LIMD1: variants seen among roughly 807,000 people sequenced by gnomAD.
LIMD1 encodes the protein LIM domain-containing protein 1.
A neutral mutation model predicts 58.4 loss-of-function variants in LIMD1; 23 were observed. The ratio of observed to expected loss-of-function variants is 0.39; its 90% CI spans 0.28 to 0.56. The LOEUF is 0.56. Among genes scored for constraint, LIMD1 ranks in the 20% least tolerant of loss-of-function variants. LIMD1 has a pLI of 0.57. For missense variants in LIMD1, 838 were observed against 855.5 expected (o/e 0.98, Z 0.25); for synonymous variants, 334 against 345.5 (o/e 0.97, Z 0.37).
At chr3:45,637,469 C>T (rs548385272) in intron 2 of LIMD1, among the ~76,000 whole-genome samples, 8 of 152,188 alleles carry the variant, frequency 5.3e-5, no homozygotes, top group Non-Finnish European at 8.8e-5. Flanking sequence ...TTAGTAGAGA[C>T]GGGGTTTCAC....
At chr3:45,670,244 G>A (rs546437225) in intron 4 of LIMD1, among the ~76,000 whole-genome samples, 15 of 152,242 alleles carry the variant, frequency 9.9e-5, no homozygotes, top group African/African-American at 2.9e-4. Context: ...AACATGCTCT[G>A]AATTTATGAG....
intron 2 of LIMD1, among the ~76,000 whole-genome samples, chr3:45,649,539 G>C (rs1701942428): frequency 1.3e-5 from 2 of 150,878 alleles, no homozygotes; most frequent in Admixed American, 6.6e-5. Flanking sequence ...AAATTAGCCG[G>C]GCATGGTGGC....
chr3:45,657,211 G>C (rs1000316945), intron 2 of LIMD1, among the ~76,000 whole-genome samples: 2 of 152,056 alleles, frequency 1.3e-5, no homozygotes, highest in African/African-American at 4.8e-5. Context: ...TTTCTCCAAA[G>C]ATACAAACTT....
At position 45,595,317 on chromosome 3, in the gene LIMD1, G is replaced by C. The variant is rs1701333582; in HGVS notation, c.438G>C (p.Gln146His). 6.2e-7 allele frequency: 1 copy of C among 1,613,446 alleles called. No homozygotes were observed. Among genetic ancestry groups the C allele is most frequent in the Admixed American group, 1.7e-5 (1 of 60,016 alleles). Residue 146 changes from glutamine (Q) to histidine (H), a missense_variant, in exon 1 of 8, where the codon CAG becomes CAC. Gln to His is a conservative substitution (Grantham distance 24, BLOSUM62 0). Transcript: ENST00000273317. ...TGCATGGCACGAGGCATGGCAGCCAGGACTGTGGTTCCAGGGAGAGCCTGG... is the reference window on the plus strand; with the variant it reads ...TGCATGGCACGAGGCATGGCAGCCACGACTGTGGTTCCAGGGAGAGCCTGG... ...PYLHGTRHGS[Q>H]DCGSRESLAT... is the part of the protein sequence containing the mutation.
In LIMD1 at chr3:45,684,890, G is replaced by A. The variant is rs375702229; in HGVS notation, c.*7831G>A. 3 of 152,316 alleles carry A rather than the reference G, an allele frequency of 2.0e-5. No homozygotes were observed. In the East Asian group the frequency reaches 5.8e-4, roughly 29 times the overall value. The allele number at this position is 152,316 out of a possible 1,614,324, so 9.4% of individuals were successfully genotyped here. On this transcript the variant is annotated 3_prime_UTR_variant, in exon 8 of 8. Coordinates refer to ENST00000273317, the MANE Select transcript of LIMD1 (RefSeq NM_014240.3). ...GCTTGCTTATTTATGCTTGCAGCTTGACTTTTCAGGCTGCTTTCTGTTGGA... is the reference window on the plus strand; with the variant it reads ...GCTTGCTTATTTATGCTTGCAGCTTAACTTTTCAGGCTGCTTTCTGTTGGA...
At chr3:45,676,170 A>G (rs896474052) in intron 7 of LIMD1, among the ~76,000 whole-genome samples, 4 of 152,044 alleles carry the variant, frequency 2.6e-5, no homozygotes, top group Non-Finnish European at 5.9e-5. Flanking sequence ...TGAACGGGGG[A>G]GGTGGATGTT....
rs77848665 is a variant in LIMD1, at chr3:45,646,153, C to A, written c.1510+9902C>A. The stretch of plus-strand genomic sequence containing the variant: ...TTGCCTTCCAGCCACACTCATCTTA[C>A]ACAAGAGGTCATGGGGTCTCAGAGC... On this transcript the variant is annotated intron_variant, in intron 2 of 7. Coordinates refer to ENST00000273317, the MANE Select transcript of LIMD1 (RefSeq NM_014240.3). Among the ~76,000 whole-genome samples the A allele has an allele frequency of 4.9e-3, 740 of 152,276 alleles. 6 individuals are homozygous for A. Among genetic ancestry groups the A allele is most frequent in the African/African-American group, 0.017 (716 of 41,552 alleles).
At position 45,665,731 on chromosome 3, in the gene LIMD1, C is replaced by T. The variant is rs202118215; in HGVS notation, c.1578+14C>T. 2.4e-5 allele frequency: 38 copies of T among 1,612,594 alleles called. No homozygotes were observed. The African/African-American group carries it at 3.9e-4, about 16-fold the overall frequency. On this transcript the variant is annotated intron_variant, in intron 3 of 7. Coordinates refer to ENST00000273317, the MANE Select transcript of LIMD1 (RefSeq NM_014240.3). ...GAAGACTTCCTGGTGAGTGTGTCAC[C>T]GAAGCCTCCCCTTGCATGTCCTGGC...
chr3:45,679,255 T>G lies in LIMD1; in HGVS notation c.*2196T>G, dbSNP rs758332500. On this transcript the variant is annotated 3_prime_UTR_variant, in exon 8 of 8. Transcript: ENST00000273317. Reference sequence around the variant, plus strand: ...GGTTTGCGAATATACCATTTTATATTGTTGAGAAAGAACAAAAAGGGAATT... The same window carrying G: ...GGTTTGCGAATATACCATTTTATATGGTTGAGAAAGAACAAAAAGGGAATT... 1 of 152,232 alleles carries G rather than the reference T, an allele frequency of 6.6e-6. No homozygotes were observed. The highest frequency in any genetic ancestry group is 1.5e-5 in the Non-Finnish European group (1 of 68,042). 9.4% of individuals were successfully genotyped at this position (152,232 alleles called of 1,614,324 possible).
At chr3:45,636,034 TTGGTGG>T in intron 1 of LIMD1, 110 bp from the exon 2 acceptor site, 1 of 1,551,736 alleles carries the variant, frequency 6.4e-7, no homozygotes, top group Non-Finnish European at 8.7e-7. Context: ...TCCACTGGAT[TTGGTGG>T]TGGGCTGGCC....
At chr3:45,646,045 A>C (rs2373046) in intron 2 of LIMD1, among the ~76,000 whole-genome samples, 27,992 of 151,022 alleles carry the variant, frequency 0.19, 3,035 homozygotes, top group Non-Finnish European at 0.25. Context: ...AAAAAAAAAA[A>C]AAGATTTAGG....
chr3:45,668,440 C>T, intron 4 of LIMD1, 84 bp downstream of exon 4: 1 of 1,090,182 alleles, frequency 9.2e-7, no homozygotes, highest in Non-Finnish European at 1.4e-6. Context: ...TAATTGAGGA[C>T]AGTGTTTCTT....
intron 2 of LIMD1, among the ~76,000 whole-genome samples, chr3:45,653,907 CAAAAAAA>C (rs35185922): frequency 1.5e-4 from 11 of 74,884 alleles, no homozygotes; most frequent in African/African-American, 4.4e-4. Flanking sequence ...AAGACTGTCT[CAAAAAAA>C]AAAAAAAAAA....
chr3:45,656,431 C>T (rs1354468282), intron 2 of LIMD1, among the ~76,000 whole-genome samples: 32 of 150,168 alleles, frequency 2.1e-4, no homozygotes, highest in East Asian at 9.7e-4. Flanking sequence ...TGAATTTAAC[C>T]TCTTTAGCTT....
chr3:45,643,476 C>T (rs1017777977), intron 2 of LIMD1, among the ~76,000 whole-genome samples: 2 of 149,618 alleles, frequency 1.3e-5, no homozygotes, highest in African/African-American at 2.5e-5. Flanking sequence ...CAGGGTGAGA[C>T]TCTGTCTCAA....
At chr3:45,602,343 C>T (rs1332092993) in intron 1 of LIMD1, among the ~76,000 whole-genome samples, 1 of 152,132 alleles carries the variant, frequency 6.6e-6, no homozygotes, top group Non-Finnish European at 1.5e-5. Context: ...CTAAAGCTAA[C>T]CAGGAGAGAG....
chr3:45,668,279 C>CT lies in LIMD1; in HGVS notation c.1579-10dup. The CT allele has an allele frequency of 6.2e-7, 1 of 1,608,122 alleles. No homozygotes were observed. Among genetic ancestry groups the CT allele is most frequent in the South Asian group, 1.1e-5 (1 of 90,774 alleles). ...ACCAGTCTGGGTTTAACTTTCTTTT[C>CT]TTTTTCTTCTGCAGTACTCTGGTTT... On this transcript the variant is annotated splice_polypyrimidine_tract_variant and intron_variant, in intron 3 of 7. Coordinates refer to ENST00000273317, the MANE Select transcript of LIMD1 (RefSeq NM_014240.3).
intron 2 of LIMD1, among the ~76,000 whole-genome samples, chr3:45,650,845 A>G (rs963708028): frequency 6.6e-6 from 1 of 151,848 alleles, no homozygotes; most frequent in South Asian, 2.1e-4. Flanking sequence ...TCCTTTGGGT[A>G]TATGCCCAGT....
Position 45,679,593 on chromosome 3 carries a change from G to T in LIMD1, c.*2534G>T, listed in dbSNP as rs183024431. 13 of 152,320 alleles carry T rather than the reference G, an allele frequency of 8.5e-5. No individual in the cohort carries two copies. The highest frequency in any genetic ancestry group is 3.1e-4 in the African/African-American group (13 of 41,564). The allele number at this position is 152,320 out of a possible 1,614,324, so 9.4% of individuals were successfully genotyped here. On this transcript the variant is annotated 3_prime_UTR_variant, in exon 8 of 8. Coordinates refer to ENST00000273317, the MANE Select transcript of LIMD1 (RefSeq NM_014240.3). Reference sequence around the variant, plus strand: ...TTTCTTTTTGACAATTCTTGGACTTGAGGTAAAACAAGGAGGATTGTGGCC... The same window carrying T: ...TTTCTTTTTGACAATTCTTGGACTTTAGGTAAAACAAGGAGGATTGTGGCC...
Sources: allele counts gnomAD v4.1 joint callset (sites outside exome capture counted in the v4.1 genomes callset), GRCh38; gene constraint gnomAD v4.1.1; transcripts MANE v1.5; gene names NCBI Gene and HGNC (gene_info 2026-07-23, HGNC 2026-07-21).